The following SDK1 variants were observed in gnomAD, a reference collection of about 807,000 sequenced individuals.
SDK1 encodes protein sidekick-1.
In SDK1, 157 loss-of-function variants were observed where a neutral mutation model predicts 245.5. The ratio of observed to expected loss-of-function variants is 0.64; its 90% CI spans 0.56 to 0.73. The LOEUF is 0.73. SDK1 is among the 30% of genes least tolerant of loss of function. SDK1 has a pLI of 0.00. For missense variants in SDK1, 3,583 were observed against 3,002.3 expected (o/e 1.19, Z -4.52); for synonymous variants, 1,647 against 1,278.5 (o/e 1.29, Z -6.15).
chr7:3,420,896 C>A (rs1055088042), intron 1 of SDK1, among the ~76,000 whole-genome samples: 1 of 152,156 alleles, frequency 6.6e-6, no homozygotes, highest in South Asian at 2.1e-4. Context: ...TATCCTGATG[C>A]TCTCTGTCCT....
At chr7:3,909,800 G>T (rs911282604) in intron 5 of SDK1, among the ~76,000 whole-genome samples, 1 of 152,198 alleles carries the variant, frequency 6.6e-6, no homozygotes, top group African/African-American at 2.4e-5. Flanking sequence ...TAGCGTGCTT[G>T]CCTAAAGCGA....
intron 1 of SDK1, among the ~76,000 whole-genome samples, chr7:3,381,879 A>G (rs959829684): frequency 1.3e-5 from 2 of 152,154 alleles, no homozygotes; most frequent in African/African-American, 4.8e-5. Flanking sequence ...TCTTACATAG[A>G]AATTATTTTT....
chr7:3,491,312 C>G (rs552429244), intron 1 of SDK1, among the ~76,000 whole-genome samples: 1 of 152,318 alleles, frequency 6.6e-6, no homozygotes, highest in African/African-American at 2.4e-5. Flanking sequence ...AATACTCAGA[C>G]TTTCTTCTCC....
intron 1 of SDK1, among the ~76,000 whole-genome samples, chr7:3,413,382 T>C (rs1251813516): frequency 6.6e-6 from 1 of 152,164 alleles, no homozygotes. Context: ...GGATGTGATG[T>C]TGAGATTTAC....
intron 4 of SDK1, among the ~76,000 whole-genome samples, chr7:3,674,066 G>C (rs1783809676): frequency 1.3e-5 from 2 of 152,138 alleles, no homozygotes; most frequent in African/African-American, 4.8e-5. Context: ...GCATAGAAGA[G>C]AGAATAGGAG....
intron 4 of SDK1, among the ~76,000 whole-genome samples, chr7:3,796,685 T>C (rs936807430): frequency 6.6e-6 from 1 of 152,212 alleles, no homozygotes; most frequent in Admixed American, 6.5e-5. Context: ...ATAACAAAAA[T>C]GGCTTTCATT....
At chr7:4,255,559 G>A in intron 44 of SDK1, among the ~76,000 whole-genome samples, 1 of 152,188 alleles carries the variant, frequency 6.6e-6, no homozygotes, top group East Asian at 1.9e-4. Context: ...ACCTGGTACA[G>A]GCTCCCAGCT....
chr7:3,980,802 C>G (rs1007824837), intron 13 of SDK1, among the ~76,000 whole-genome samples: 2 of 151,990 alleles, frequency 1.3e-5, no homozygotes, highest in Non-Finnish European at 2.9e-5. Flanking sequence ...ATTAGCCGGG[C>G]GTGGTGTTGG....
In SDK1 at chr7:3,728,765, C is replaced by G. The variant is rs187288886; in HGVS notation, c.713+86660C>G. ...GGATTACAGGCATGTGCCACCATGC[C>G]TGGCTAATTTTTGTATTTTTAGTAG... On this transcript the variant is annotated intron_variant, in intron 4 of 44. Transcript: ENST00000404826. Among the ~76,000 whole-genome samples, 612 of 152,234 alleles carry G rather than the reference C, an allele frequency of 4.0e-3. 5 individuals are homozygous for G. The highest frequency in any genetic ancestry group is 0.014 in the African/African-American group (597 of 41,550).
At chr7:3,453,071 G>T (rs764458033) in intron 1 of SDK1, among the ~76,000 whole-genome samples, 3 of 152,108 alleles carry the variant, frequency 2.0e-5, no homozygotes, top group Admixed American at 6.6e-5. Context: ...AGTGGACCCT[G>T]TGTCACAGCA....
At chr7:3,564,136 G>A (rs1391850330) in intron 1 of SDK1, among the ~76,000 whole-genome samples, 1 of 150,490 alleles carries the variant, frequency 6.6e-6, no homozygotes, top group Non-Finnish European at 1.5e-5. Context: ...TAAAAAATGA[G>A]CCAAAAAGTT....
intron 1 of SDK1, among the ~76,000 whole-genome samples, chr7:3,379,185 G>T (rs1017439161): frequency 3.3e-5 from 5 of 152,122 alleles, no homozygotes; most frequent in African/African-American, 1.2e-4. Context: ...ACTCTTTATT[G>T]TGCGGGGCAA....
chr7:3,845,779 G>C (rs1407744966), intron 5 of SDK1, among the ~76,000 whole-genome samples: 3 of 151,666 alleles, frequency 2.0e-5, no homozygotes, highest in African/African-American at 7.3e-5. Flanking sequence ...CAGGTTGCTT[G>C]CTGTATGAAA....
intron 5 of SDK1, among the ~76,000 whole-genome samples, chr7:3,839,612 CTT>C (rs1296215286): frequency 6.6e-6 from 1 of 152,074 alleles, no homozygotes; most frequent in Non-Finnish European, 1.5e-5. Flanking sequence ...ATGCTGAACA[CTT>C]TTTCAATTTA....
chr7:3,448,462 G>A (rs1780412751), intron 1 of SDK1, among the ~76,000 whole-genome samples: 1 of 151,194 alleles, frequency 6.6e-6, no homozygotes, highest in Admixed American at 6.6e-5. Context: ...GTGGTTTAGG[G>A]TATTTTTTTT....
In SDK1 at chr7:3,365,124, C is replaced by T. The variant is rs147167608; in HGVS notation, c.298+63240C>T. The stretch of plus-strand genomic sequence containing the variant: ...TCCTGTGACCTTGCTGATTTGAGGC[C>T]GCAACTTCTGCAGTGTAATGTAAAG... On this transcript the variant is annotated intron_variant, in intron 1 of 44. Coordinates refer to ENST00000404826, the MANE Select transcript of SDK1 (RefSeq NM_152744.4). Among the ~76,000 whole-genome samples, 1,305 of 152,110 alleles carry T rather than the reference C, an allele frequency of 8.6e-3. 7 individuals are homozygous for T. Among genetic ancestry groups the T allele is most frequent in the Non-Finnish European group, 0.012 (843 of 68,002 alleles).
At chr7:3,535,978 A>G (rs1000380095) in intron 1 of SDK1, among the ~76,000 whole-genome samples, 8 of 152,144 alleles carry the variant, frequency 5.3e-5, no homozygotes, top group Admixed American at 5.2e-4. Flanking sequence ...TTATAAATTA[A>G]TAAGAAATTT....
chr7:4,151,919 T>C (rs1780409412), intron 30 of SDK1, among the ~76,000 whole-genome samples: 1 of 152,214 alleles, frequency 6.6e-6, no homozygotes, highest in Non-Finnish European at 1.5e-5. Context: ...ATAGACACAG[T>C]CCACGTCCTA....
At chr7:4,257,932 T>A (rs1787729150) in intron 44 of SDK1, among the ~76,000 whole-genome samples, 2 of 150,568 alleles carry the variant, frequency 1.3e-5, no homozygotes, top group Non-Finnish European at 2.9e-5. Context: ...AGCTAGCCTA[T>A]CCATGTGGTG....
Sources: gnomAD v4.1 joint callset for allele counts (sites outside exome capture counted in the v4.1 genomes callset) on GRCh38, gnomAD v4.1.1 for gene constraint, MANE v1.5 for transcripts, NCBI Gene and HGNC (gene_info 2026-07-23, HGNC 2026-07-21) for gene names.